STPG2: variants seen among roughly 807,000 people sequenced by gnomAD.
STPG2 encodes the protein sperm tail PG-rich repeat containing 2, also known as sperm-tail PG-rich repeat-containing protein 2.
A neutral mutation model predicts 54.2 loss-of-function variants in STPG2; 56 were observed. The observed-to-expected ratio is 1.03, with a 90% CI of 0.83 to 1.29. STPG2 has a LOEUF of 1.29. Among genes scored for constraint, STPG2 ranks in the 50% most tolerant of loss-of-function variants. The pLI is 0.00. For missense variants in STPG2, 596 were observed against 544.9 expected (o/e 1.09, Z -0.93); for synonymous variants, 200 against 181.8 (o/e 1.10, Z -0.81).
At chr4:98,135,279 C>G (rs1433758938) in intron 1 of STPG2, among the ~76,000 whole-genome samples, 2 of 151,802 alleles carry the variant, frequency 1.3e-5, no homozygotes, top group Non-Finnish European at 3.0e-5. Context: ...AGTAAAAAAT[C>G]TTGCTAATCT....
intron 7 of STPG2, among the ~76,000 whole-genome samples, chr4:97,957,361 C>A (rs1184877119): frequency 6.6e-6 from 1 of 151,120 alleles, no homozygotes; most frequent in African/African-American, 2.4e-5. Context: ...TTTTAATTCA[C>A]CCAATCAAAC....
At chr4:98,117,530 C>T (rs75025819) in intron 3 of STPG2, among the ~76,000 whole-genome samples, 65 of 152,020 alleles carry the variant, frequency 4.3e-4, no homozygotes, top group East Asian at 1.3e-3. Context: ...CTTTCTCCTC[C>T]GCTTCTGGGA....
Position 97,943,957 on chromosome 4 carries a change from C to A in STPG2, c.984G>T (p.Leu328Phe), listed in dbSNP as rs1441093082. 6.2e-7 allele frequency: 1 copy of A among 1,604,034 alleles called. No homozygotes were observed. Among genetic ancestry groups the A allele is most frequent in the East Asian group, 2.3e-5 (1 of 44,304 alleles). ...GVGISDELPN[L>F]TNKYAAFLSR... Reference sequence around the variant, plus strand: ...ACAAGAAAGCAGCATATTTGTTAGTCAAGTTAGGTAATTCATCAGAAATTC... The same window carrying A: ...ACAAGAAAGCAGCATATTTGTTAGTAAAGTTAGGTAATTCATCAGAAATTC... Residue 328 changes from leucine to phenylalanine, a missense_variant, in exon 8 of 11, where the codon TTG becomes TTT. Transcript: ENST00000295268.
intron 7 of STPG2, among the ~76,000 whole-genome samples, chr4:97,956,135 ATAAT>A (rs1374606570): frequency 6.6e-6 from 1 of 152,206 alleles, no homozygotes; most frequent in Non-Finnish European, 1.5e-5. Flanking sequence ...ATGTTTGACA[ATAAT>A]TAAACAAAAT....
At chr4:97,921,501 A>G (rs564580942) in intron 8 of STPG2, among the ~76,000 whole-genome samples, 1 of 152,156 alleles carries the variant, frequency 6.6e-6, no homozygotes, top group South Asian at 2.1e-4. Flanking sequence ...GACAATGACA[A>G]AACTGAAAAA....
intron 4 of STPG2, among the ~76,000 whole-genome samples, chr4:97,524,940 T>C (rs1018694178): frequency 2.6e-5 from 4 of 151,964 alleles, no homozygotes; most frequent in African/African-American, 9.7e-5. Context: ...AAGTATAAAA[T>C]TGTTTTAATA....
At chr4:98,050,564 C>G (rs1025064970) in intron 5 of STPG2, among the ~76,000 whole-genome samples, 1 of 152,156 alleles carries the variant, frequency 6.6e-6, no homozygotes, top group Non-Finnish European at 1.5e-5. Flanking sequence ...TGACCATACT[C>G]ACAGGAGTTG....
intron 4 of STPG2, among the ~76,000 whole-genome samples, chr4:97,491,100 C>T (rs1434182284): frequency 2.6e-5 from 4 of 151,358 alleles, no homozygotes; most frequent in African/African-American, 7.3e-5. Context: ...CTCATCTTGA[C>T]TGAGACCTAA....
intron 10 of STPG2, among the ~76,000 whole-genome samples, chr4:97,639,076 C>T (rs1280357512): frequency 6.6e-6 from 1 of 151,952 alleles, no homozygotes; most frequent in Admixed American, 6.6e-5. Flanking sequence ...TTCACAATAG[C>T]AAAGACTTGG....
intron 8 of STPG2, among the ~76,000 whole-genome samples, chr4:97,928,630 G>A (rs1156321766): frequency 2.6e-5 from 4 of 151,848 alleles, no homozygotes; most frequent in Non-Finnish European, 5.9e-5. Flanking sequence ...TTTGTTGTGG[G>A]GTTGTTTTTG....
At chr4:97,691,797 C>T (rs1487401456) in intron 10 of STPG2, among the ~76,000 whole-genome samples, 1 of 152,156 alleles carries the variant, frequency 6.6e-6, no homozygotes, top group Admixed American at 6.5e-5. Flanking sequence ...CACTTCACTT[C>T]CTGGCTACCT....
At chr4:97,649,349 CT>C (rs1333111934) in intron 10 of STPG2, among the ~76,000 whole-genome samples, 1 of 152,126 alleles carries the variant, frequency 6.6e-6, no homozygotes, top group Non-Finnish European at 1.5e-5. Flanking sequence ...CTTTAACACT[CT>C]GCTTTCTGAA....
intron 4 of STPG2, among the ~76,000 whole-genome samples, chr4:97,509,138 T>C (rs1399465252): frequency 1.3e-5 from 2 of 152,134 alleles, no homozygotes; most frequent in Non-Finnish European, 2.9e-5. Context: ...TGGGCTTATG[T>C]CTCTCCAGGG....
At chr4:97,918,923 T>C (rs962288467) in intron 8 of STPG2, among the ~76,000 whole-genome samples, 4 of 152,152 alleles carry the variant, frequency 2.6e-5, no homozygotes, top group Non-Finnish European at 5.9e-5. Flanking sequence ...AATAGCTTAT[T>C]TATGTAACCA....
At chr4:97,957,180 T>TATGTGAAATAC (rs1481615925) in intron 7 of STPG2, among the ~76,000 whole-genome samples, 1 of 126,802 alleles carries the variant, frequency 7.9e-6, no homozygotes, top group African/African-American at 3.1e-5. Context: ...ATGTGAAATA[T>TATGTGAAATAC]ATATATGAAA....
At chr4:97,692,105 G>A (rs1309819111) in intron 10 of STPG2, among the ~76,000 whole-genome samples, 1 of 152,006 alleles carries the variant, frequency 6.6e-6, no homozygotes, top group African/African-American at 2.4e-5. Flanking sequence ...AACAACTCCA[G>A]TAATATGACA....
chr4:97,740,913 T>C (rs989105205), intron 9 of STPG2, among the ~76,000 whole-genome samples: 31 of 152,100 alleles, frequency 2.0e-4, no homozygotes, highest in African/African-American at 7.0e-4. Context: ...CAAGTCAATC[T>C]TAAGGCAAAA....
chr4:97,967,705 T>G (rs968113338), intron 7 of STPG2, among the ~76,000 whole-genome samples: 3 of 152,210 alleles, frequency 2.0e-5, no homozygotes, highest in Non-Finnish European at 2.9e-5. Context: ...ATTAAGAAAC[T>G]CACTCAAAAC....
chr4:97,710,192 C>T (rs1237028638), intron 10 of STPG2, among the ~76,000 whole-genome samples: 1 of 151,642 alleles, frequency 6.6e-6, no homozygotes, highest in Non-Finnish European at 1.5e-5. Flanking sequence ...GATAGTAATC[C>T]AATAAATATC....
Sources: gnomAD v4.1 joint callset for allele counts (sites outside exome capture counted in the v4.1 genomes callset) on GRCh38, gnomAD v4.1.1 for gene constraint, MANE v1.5 for transcripts, NCBI Gene and HGNC (gene_info 2026-07-23, HGNC 2026-07-21) for gene names.